DCX: variants seen among roughly 807,000 people sequenced by gnomAD.
DCX encodes the protein neuronal migration protein doublecortin.
DCX carries 4 observed loss-of-function variants against 20.9 expected under a neutral mutation model. The observed-to-expected ratio is 0.19, with a 90% CI of 0.09 to 0.44. The LOEUF is 0.44. DCX is among the 20% of genes least tolerant of loss of function. The probability of loss-of-function intolerance (pLI) is 0.99; values close to 1 mark genes in which losing one functional copy is unlikely to be tolerated. For synonymous variants in DCX, 103 were observed against 111.4 expected, an observed-to-expected ratio of 0.92 and a Z score of 0.47; for missense variants, 133 against 296.9, an observed-to-expected ratio of 0.45 and a Z score of 4.06.
intron 3 of DCX, among the ~76,000 whole-genome samples, chrX:111,373,505 T>C (rs150908117): frequency 9.0e-6 from 1 of 111,574 alleles, no homozygotes; most frequent in African/African-American, 3.3e-5. Flanking sequence ...ACAAAATAAA[T>C]GGTGTTTGCT....
chrX:111,374,078 A>G (rs912014271), intron 3 of DCX, among the ~76,000 whole-genome samples: 6 of 112,138 alleles, frequency 5.4e-5, no homozygotes, highest in Non-Finnish European at 7.5e-5. Context: ...ATGTAATTGC[A>G]GTGTTCATGA....
chrX:111,358,847 C>T (rs944385883), intron 3 of DCX, among the ~76,000 whole-genome samples: 1 of 111,672 alleles, frequency 9.0e-6, no homozygotes, highest in African/African-American at 3.2e-5. Context: ...ATCACAGTCA[C>T]AACAGGAAGC....
chrX:111,402,823 G>A (rs1166557599), intron 2 of DCX, among the ~76,000 whole-genome samples: 1 of 100,647 alleles, frequency 9.9e-6, no homozygotes, highest in Non-Finnish European at 2.0e-5. Context: ...GTGTGTGTGC[G>A]GAGGGGGAGG....
At chrX:111,406,999 T>C (rs1928260208) in intron 2 of DCX, among the ~76,000 whole-genome samples, 1 of 112,039 alleles carries the variant, frequency 8.9e-6, no homozygotes, top group South Asian at 3.8e-4. Flanking sequence ...ATAATTAACA[T>C]GAGTCACATT....
intron 3 of DCX, among the ~76,000 whole-genome samples, chrX:111,397,597 G>T (rs1209752327): frequency 8.9e-6 from 1 of 111,855 alleles, no homozygotes; most frequent in African/African-American, 3.3e-5. Flanking sequence ...TAGTAGGTTT[G>T]TCCATGTACC....
intron 5 of DCX, among the ~76,000 whole-genome samples, chrX:111,328,727 C>A (rs762617458): frequency 9.0e-6 from 1 of 111,242 alleles, no homozygotes; most frequent in African/African-American, 3.3e-5. Flanking sequence ...AAAGGCAATA[C>A]ATCTTGTTCT....
intron 3 of DCX, among the ~76,000 whole-genome samples, chrX:111,346,126 C>A (rs1314848230): frequency 9.4e-6 from 1 of 106,856 alleles, no homozygotes; most frequent in African/African-American, 3.4e-5. Context: ...TCTTGTAATT[C>A]TGGATATTAG....
In DCX at chrX:111,345,217, C is replaced by T. The variant is rs188608342; in HGVS notation, c.706-12064G>A. Among the ~76,000 whole-genome samples, 25 of 112,108 alleles carry T rather than the reference C, an allele frequency of 2.2e-4. No individual in the cohort carries two copies. The East Asian group carries it at 6.7e-3, about 30-fold the overall frequency. ...GTAGAAAACTGAAACTGGACCCCTT[C>T]CTTATATCTTACACAAAAATTAACT... On this transcript the variant is annotated intron_variant, in intron 3 of 6. Transcript: ENST00000636035.
At chrX:111,355,404 T>C (rs1293619850) in intron 3 of DCX, among the ~76,000 whole-genome samples, 2 of 111,473 alleles carry the variant, frequency 1.8e-5, no homozygotes, top group Non-Finnish European at 3.8e-5. Context: ...GCTGATATCC[T>C]CTCTTTTTCA....
chrX:111,307,291 CAT>C (rs202223116), intron 6 of DCX, among the ~76,000 whole-genome samples: 23 of 106,899 alleles, frequency 2.2e-4, no homozygotes, highest in African/African-American at 6.4e-4. Context: ...ATGATATATA[CAT>C]ATATATATAC....
Position 111,295,149 on chromosome X carries a change from T to C in DCX, c.*6538A>G, listed in dbSNP as rs1267570641. ...TGGCATAACCTCTTACTTGTTCAAATCCCTTTTGGATAACTTATAAAGAAA... is the reference window on the plus strand; with the variant it reads ...TGGCATAACCTCTTACTTGTTCAAACCCCTTTTGGATAACTTATAAAGAAA... On this transcript the variant is annotated 3_prime_UTR_variant, in exon 7 of 7. Transcript: ENST00000636035. 1 of 112,440 alleles carries C rather than the reference T, an allele frequency of 8.9e-6. No individual in the cohort carries two copies. The highest frequency in any genetic ancestry group is 1.9e-5 in the Non-Finnish European group (1 of 53,298). 9.3% of individuals were successfully genotyped at this position (112,440 alleles called of 1,213,427 possible). A position where few individuals can be genotyped will look rare whatever the true frequency, so the allele number is the denominator to read the frequency against.
chrX:111,385,309 T>TA (rs1241803894), intron 3 of DCX, among the ~76,000 whole-genome samples: 2 of 112,300 alleles, frequency 1.8e-5, no homozygotes, highest in Non-Finnish European at 3.8e-5. Flanking sequence ...TTGTCCTGTT[T>TA]AAAAAACCTA....
At chrX:111,398,986 C>T (rs994548520) in intron 3 of DCX, among the ~76,000 whole-genome samples, 6 of 110,390 alleles carry the variant, frequency 5.4e-5, no homozygotes, top group African/African-American at 1.7e-4. Context: ...TTGCAGCGTG[C>T]GTCTGTAGTC....
chrX:111,298,778 T>C lies in DCX; in HGVS notation c.*2909A>G, dbSNP rs955629325. ...AGCAGTCATGCTAATGGCTATCCTT[T>C]CCAAAACAGTGAAGAGAAAAGGAGC... On this transcript the variant is annotated 3_prime_UTR_variant, in exon 7 of 7. Coordinates refer to ENST00000636035, the MANE Select transcript of DCX (RefSeq NM_001195553.2). The C allele has an allele frequency of 1.8e-5, 2 of 112,259 alleles. No homozygotes were observed. The highest frequency in any genetic ancestry group is 6.5e-5 in the African/African-American group (2 of 30,788). The allele number at this position is 112,259 out of a possible 1,213,427, so 9.3% of individuals were successfully genotyped here.
chrX:111,320,315 G>A (rs746376705), intron 5 of DCX, among the ~76,000 whole-genome samples: 6 of 112,162 alleles, frequency 5.3e-5, no homozygotes, highest in African/African-American at 1.9e-4. Flanking sequence ...GGATTCTAGA[G>A]CCAATTCACA....
intron 3 of DCX, among the ~76,000 whole-genome samples, chrX:111,375,598 T>C (rs1367599145): frequency 9.0e-6 from 1 of 111,163 alleles, no homozygotes; most frequent in Non-Finnish European, 1.9e-5. Flanking sequence ...CTCTCATTCA[T>C]ATTTACAGTG....
chrX:111,334,080 C>A (rs777604156), intron 3 of DCX, among the ~76,000 whole-genome samples: 98 of 112,475 alleles, frequency 8.7e-4, no homozygotes, highest in African/African-American at 3.1e-3. Context: ...ATTCAAGCTG[C>A]CAGCAATGGC....
rs182877250 is a variant in DCX, at chrX:111,308,540, T to C, written c.1044+4099A>G. On this transcript the variant is annotated intron_variant, in intron 6 of 6. Coordinates refer to ENST00000636035, the MANE Select transcript of DCX (RefSeq NM_001195553.2). ...CCCACCCTCCTTTGTGCTCATGCAG[T>C]CCTTTCGTTAGCTCTTGATCACACT... 8.1e-5 allele frequency among the ~76,000 whole-genome samples: 9 copies of C among 111,022 alleles called. No individual in the cohort carries two copies. The East Asian group carries it at 2.5e-3, about 31-fold the overall frequency.
At chrX:111,356,031 A>G (rs1485208450) in intron 3 of DCX, among the ~76,000 whole-genome samples, 1 of 112,231 alleles carries the variant, frequency 8.9e-6, no homozygotes, top group Non-Finnish European at 1.9e-5. Flanking sequence ...AAGGCTAAAG[A>G]CAAGGAAATG....
Sources: gnomAD v4.1 joint callset for allele counts (sites outside exome capture counted in the v4.1 genomes callset) on GRCh38, gnomAD v4.1.1 for gene constraint, MANE v1.5 for transcripts, NCBI Gene and HGNC (gene_info 2026-07-23, HGNC 2026-07-21) for gene names.